RNGTT: variants seen among roughly 807,000 people sequenced by gnomAD.
The protein encoded by RNGTT is mRNA-capping enzyme.
A neutral mutation model predicts 79.3 loss-of-function variants in RNGTT; 33 were observed. The ratio of observed to expected loss-of-function variants is 0.42; its 90% CI spans 0.32 to 0.56. The LOEUF (loss-of-function observed/expected upper bound fraction) is 0.56, where lower values mean the gene tolerates loss of function less well. Among genes scored for constraint, RNGTT ranks in the 20% least tolerant of loss-of-function variants. RNGTT has a pLI of 0.17. For missense variants in RNGTT, 497 were observed against 739.1 expected (o/e 0.67, Z 3.80); for synonymous variants, 222 against 235.9 (o/e 0.94, Z 0.54).
At position 88,743,001 on chromosome 6, in the gene RNGTT, T is replaced by G. The variant is rs896438703; in HGVS notation, c.1439+26773A>C. On this transcript the variant is annotated intron_variant, in intron 13 of 15. Coordinates refer to ENST00000369485, the MANE Select transcript of RNGTT (RefSeq NM_003800.5). ...GAAGAAATAGGCATTACAGGGCTAG[T>G]CCTACAATTTCCAAATGTGAAGATA... Among the ~76,000 whole-genome samples the G allele has an allele frequency of 3.3e-5, 5 of 152,302 alleles. No individual in the cohort carries two copies. The East Asian group carries it at 9.7e-4, about 29-fold the overall frequency.
chr6:88,749,436 C>T (rs998086572), intron 13 of RNGTT, among the ~76,000 whole-genome samples: 17 of 150,648 alleles, frequency 1.1e-4, no homozygotes, highest in African/African-American at 4.2e-4. Flanking sequence ...CAAGAAAACT[C>T]CAACATTTCA....
intron 13 of RNGTT, among the ~76,000 whole-genome samples, chr6:88,756,424 G>A (rs533532356): frequency 6.6e-6 from 1 of 152,242 alleles, no homozygotes; most frequent in Non-Finnish European, 1.5e-5. Flanking sequence ...AGTGAGCCAA[G>A]ATCATGCCAC....
intron 8 of RNGTT, among the ~76,000 whole-genome samples, chr6:88,884,093 C>G (rs1782780768): frequency 6.6e-6 from 1 of 152,168 alleles, no homozygotes; most frequent in African/African-American, 2.4e-5. Context: ...CTCGTGGTAT[C>G]TAACTAAACT....
At chr6:88,751,950 A>C (rs1582416737) in intron 13 of RNGTT, among the ~76,000 whole-genome samples, 1 of 152,068 alleles carries the variant, frequency 6.6e-6, no homozygotes, top group East Asian at 1.9e-4. Flanking sequence ...CAAACTTGGA[A>C]GTCTAGTTTG....
chr6:88,659,091 T>C (rs1207729153), intron 14 of RNGTT, among the ~76,000 whole-genome samples: 1 of 152,144 alleles, frequency 6.6e-6, no homozygotes, highest in African/African-American at 2.4e-5. Flanking sequence ...AACCCTGACA[T>C]ACAGGGGGAG....
intron 13 of RNGTT, among the ~76,000 whole-genome samples, chr6:88,764,200 C>A (rs1778368359): frequency 6.6e-6 from 1 of 152,220 alleles, no homozygotes; most frequent in Non-Finnish European, 1.5e-5. Flanking sequence ...GCTTCCTCTG[C>A]AAGACTTTTT....
chr6:88,698,184 T>C (rs555685679), intron 13 of RNGTT, among the ~76,000 whole-genome samples: 11 of 119,400 alleles, frequency 9.2e-5, no homozygotes, highest in Admixed American at 6.6e-4. Context: ...ATATGATATA[T>C]ATATGAAATA....
In RNGTT at chr6:88,665,960, A is replaced by G. The variant is rs565169080; in HGVS notation, c.1506+12393T>C. Among the ~76,000 whole-genome samples the G allele has an allele frequency of 3.3e-5, 5 of 152,352 alleles. No individual in the cohort carries two copies. In the South Asian group the frequency reaches 1.0e-3, roughly 32 times the overall value. The stretch of plus-strand genomic sequence containing the variant: ...CGCTACCTGGGATTTACTATCCGAC[A>G]GCGGGAGTGCAGCCTAGGATCAGAA... On this transcript the variant is annotated intron_variant, in intron 14 of 15. Coordinates refer to ENST00000369485, the MANE Select transcript of RNGTT (RefSeq NM_003800.5).
chr6:88,809,413 G>A (rs902640470), intron 11 of RNGTT, among the ~76,000 whole-genome samples: 4 of 152,108 alleles, frequency 2.6e-5, no homozygotes, highest in African/African-American at 7.2e-5. Context: ...GGATATGGAA[G>A]CGTAGATCAC....
chr6:88,631,423 C>A (rs1772878864), intron 14 of RNGTT, among the ~76,000 whole-genome samples: 1 of 152,206 alleles, frequency 6.6e-6, no homozygotes, highest in South Asian at 2.1e-4. Context: ...TTCCCTACTG[C>A]ATGCAGTGGT....
chr6:88,952,989 C>T (rs1172415059), intron 1 of RNGTT, among the ~76,000 whole-genome samples: 2 of 152,178 alleles, frequency 1.3e-5, no homozygotes, highest in African/African-American at 4.8e-5. Flanking sequence ...GAGTTTCAGA[C>T]CTTTCCACTG....
In RNGTT at chr6:88,610,590, C is replaced by T. The variant is rs1771986501; in HGVS notation, c.*2129G>A. On this transcript the variant is annotated 3_prime_UTR_variant, in exon 16 of 16. Coordinates refer to ENST00000369485, the MANE Select transcript of RNGTT (RefSeq NM_003800.5). ...GACCTTCTAAATGACTTTTATAATA[C>T]TGCAGATGGTATTATGTTCAGGGGC... 1 of 152,156 alleles carries T rather than the reference C, an allele frequency of 6.6e-6. No individual in the cohort carries two copies. Among genetic ancestry groups the T allele is most frequent in the Non-Finnish European group, 1.5e-5 (1 of 68,034 alleles). 9.4% of individuals were successfully genotyped at this position (152,156 alleles called of 1,614,324 possible).
In RNGTT at chr6:88,661,151, TGGGA is replaced by T. The variant is rs996911390; in HGVS notation, c.1506+17198_1506+17201del. On this transcript the variant is annotated intron_variant, in intron 14 of 15. Transcript: ENST00000369485. ...TAGTGACACAACCTATCAAAACCTC[TGGGA>T]TACAGCAAAAGCGGTACTAAGAGGA... is the stretch of plus-strand genomic sequence containing the variant. Among the ~76,000 whole-genome samples, 33 of 152,114 alleles carry T rather than the reference TGGGA, an allele frequency of 2.2e-4. 1 individual carries two copies. The highest frequency in any genetic ancestry group is 4.4e-5 in the Non-Finnish European group (3 of 68,006).
intron 1 of RNGTT, among the ~76,000 whole-genome samples, chr6:88,951,605 G>T (rs79347347): frequency 2.6e-5 from 4 of 151,636 alleles, no homozygotes; most frequent in East Asian, 1.9e-4. Context: ...AAGTGTGAGA[G>T]GGGGGATAAA....
In RNGTT at chr6:88,796,320, C is replaced by T. The variant is rs1347761392; in HGVS notation, c.1338+5244G>A. Among the ~76,000 whole-genome samples the T allele has an allele frequency of 2.0e-5, 3 of 152,040 alleles. No individual in the cohort carries two copies. The East Asian group carries it at 5.8e-4, about 29-fold the overall frequency. ...TCTATCAGTCAGTACTGGTCTCCCC[C>T]ATATAAGGGTTTCTTCCATAGTATA... On this transcript the variant is annotated intron_variant, in intron 12 of 15. Transcript: ENST00000369485.
chr6:88,804,662 T>C (rs906488931), intron 11 of RNGTT, among the ~76,000 whole-genome samples: 2 of 152,288 alleles, frequency 1.3e-5, no homozygotes, highest in Middle Eastern at 3.4e-3. Context: ...TATGAGATCA[T>C]ATATGTAATG....
At chr6:88,853,852 C>T in intron 8 of RNGTT, 88 bp from the exon 9 acceptor site, 1 of 723,558 alleles carries the variant, frequency 1.4e-6, no homozygotes, top group Non-Finnish European at 2.3e-6. Flanking sequence ...TTCCATAGAC[C>T]TTAAACATCT....
At chr6:88,630,766 C>T (rs1772839899) in intron 14 of RNGTT, among the ~76,000 whole-genome samples, 1 of 151,186 alleles carries the variant, frequency 6.6e-6, no homozygotes, top group Admixed American at 6.6e-5. Flanking sequence ...GTAACTCATT[C>T]TTAGTTACAT....
At chr6:88,901,229 T>C (rs567414163) in intron 6 of RNGTT, among the ~76,000 whole-genome samples, 13 of 151,564 alleles carry the variant, frequency 8.6e-5, no homozygotes, top group Non-Finnish European at 1.6e-4. Context: ...TCTGAAACAA[T>C]ACTTAAAAAG....
Sources: allele counts gnomAD v4.1 joint callset (sites outside exome capture counted in the v4.1 genomes callset), GRCh38; gene constraint gnomAD v4.1.1; transcripts MANE v1.5; gene names NCBI Gene and HGNC (gene_info 2026-07-23, HGNC 2026-07-21).